Variants in PCLO observed in about 807,000 individuals in gnomAD.
PCLO encodes the protein protein piccolo.
PCLO carries 82 observed loss-of-function variants against 427.5 expected under a neutral mutation model. That is an observed-to-expected ratio of 0.19 (90% confidence interval 0.16 to 0.23). The LOEUF (loss-of-function observed/expected upper bound fraction) is 0.23, where lower values mean the gene tolerates loss of function less well. PCLO is among the 10% of genes least tolerant of loss of function. The probability of loss-of-function intolerance (pLI) is 1.00; values close to 1 mark genes in which losing one functional copy is unlikely to be tolerated. For synonymous variants in PCLO, 2,357 were observed against 2,155.4 expected, an observed-to-expected ratio of 1.09 and a Z score of -2.59; for missense variants, 6,239 against 6,115.9, an observed-to-expected ratio of 1.02 and a Z score of -0.67.
chr7:83,110,907 A>G (rs1015634492), intron 3 of PCLO, among the ~76,000 whole-genome samples: 1 of 152,204 alleles, frequency 6.6e-6, no homozygotes, highest in African/African-American at 2.4e-5. Flanking sequence ...TAAAATTACA[A>G]AATAAGATCA....
intron 3 of PCLO, among the ~76,000 whole-genome samples, chr7:83,088,053 T>G (rs979459965): frequency 6.6e-6 from 1 of 152,224 alleles, no homozygotes; most frequent in Non-Finnish European, 1.5e-5. Flanking sequence ...ATTTTACAAA[T>G]CGCTCCTTTT....
At chr7:82,843,665 ATTTTTTT>A (rs71522631) in intron 13 of PCLO, among the ~76,000 whole-genome samples, 3 of 135,804 alleles carry the variant, frequency 2.2e-5, no homozygotes, top group Admixed American at 7.6e-5. Context: ...CAACGTATTC[ATTTTTTT>A]TTTTTTTTTG....
chr7:83,038,065 T>TATATAATATATATTTTTATATA (rs1788866864), intron 3 of PCLO, among the ~76,000 whole-genome samples: 1 of 31,556 alleles, frequency 3.2e-5, no homozygotes, highest in African/African-American at 1.4e-4. Flanking sequence ...ATATATATAT[T>TATATAATATATATTTTTATATA]TATATATTTA....
At chr7:82,980,007 G>A (rs2115767098) in intron 3 of PCLO, among the ~76,000 whole-genome samples, 1 of 152,106 alleles carries the variant, frequency 6.6e-6, no homozygotes, top group Admixed American at 6.6e-5. Context: ...TAACAACCAG[G>A]TCCCAAGCCT....
intron 2 of PCLO, among the ~76,000 whole-genome samples, chr7:83,152,389 T>G: frequency 6.6e-6 from 1 of 152,236 alleles, no homozygotes; most frequent in African/African-American, 2.4e-5. Context: ...TAGCATTCAA[T>G]AATGCTTTGT....
chr7:82,859,000 A>G (rs894318769), intron 10 of PCLO, among the ~76,000 whole-genome samples: 3 of 152,152 alleles, frequency 2.0e-5, no homozygotes, highest in African/African-American at 4.8e-5. Flanking sequence ...TATGGTGTCT[A>G]TGGGGTGAGG....
At chr7:83,109,250 G>A (rs1790942924) in intron 3 of PCLO, among the ~76,000 whole-genome samples, 1 of 152,076 alleles carries the variant, frequency 6.6e-6, no homozygotes, top group Non-Finnish European at 1.5e-5. Flanking sequence ...AGCAAATCCT[G>A]TTTTCATTCT....
At chr7:83,141,508 T>C (rs2116638346) in intron 2 of PCLO, among the ~76,000 whole-genome samples, 1 of 152,334 alleles carries the variant, frequency 6.6e-6, no homozygotes, top group East Asian at 1.9e-4. Context: ...GTTCCTTTAG[T>C]CTTCTGATTT....
In PCLO at chr7:83,155,693, T is replaced by C. The variant is rs542998278; in HGVS notation, c.948A>G (p.Ala316=). 3.1e-6 allele frequency: 5 copies of C among 1,613,966 alleles called. No homozygotes were observed. The Admixed American group carries it at 6.7e-5, about 22-fold the overall frequency. ...GTGATTTTTCATGTCCAGGCTGCTG[T>C]GCTGGAGGTTTTCCAGGAGTTGGTT... is the stretch of plus-strand genomic sequence containing the variant. The part of the protein sequence containing the change: ...IQQPTPGKPP[A]QQPGHEKSQP... Residue 316 remains alanine (A), a synonymous_variant, in exon 2 of 25, where the codon GCA becomes GCG. Coordinates refer to ENST00000333891, the MANE Select transcript of PCLO (RefSeq NM_033026.6).
At chr7:83,140,572 G>T (rs1791836785) in intron 2 of PCLO, among the ~76,000 whole-genome samples, 1 of 152,008 alleles carries the variant, frequency 6.6e-6, no homozygotes, top group Non-Finnish European at 1.5e-5. Flanking sequence ...AACATTTTTT[G>T]AACTAGTTTG....
chr7:83,141,255 G>GTGCA (rs145198972), intron 2 of PCLO, among the ~76,000 whole-genome samples: 8,919 of 152,250 alleles, frequency 0.059, 566 homozygotes, highest in East Asian at 0.25. Context: ...TTAGTTCCAT[G>GTGCA]TGCACACATT....
chr7:83,023,921 T>C (rs549796908), intron 3 of PCLO, among the ~76,000 whole-genome samples: 2 of 152,322 alleles, frequency 1.3e-5, no homozygotes, highest in East Asian at 3.9e-4. Context: ...TTTATTTTTC[T>C]GGAATGCATA....
At chr7:83,054,217 A>G (rs1789321922) in intron 3 of PCLO, among the ~76,000 whole-genome samples, 1 of 152,064 alleles carries the variant, frequency 6.6e-6, no homozygotes, top group Admixed American at 6.6e-5. Context: ...TACCTTTTCT[A>G]TCAATTCTTA....
chr7:83,143,139 C>A (rs1358502667), intron 2 of PCLO, among the ~76,000 whole-genome samples: 2 of 151,902 alleles, frequency 1.3e-5, no homozygotes, highest in African/African-American at 4.8e-5. Context: ...ATAATATAAC[C>A]AGACTAGAGG....
chr7:82,954,213 A>G lies in PCLO; in HGVS notation c.6740T>C (p.Leu2247Ser), dbSNP rs762815799. The change falls in exon 5 of 25, where the codon TTA (leucine) becomes TCA (serine). Residue 2247 changes from leucine to serine, a missense_variant. Leu to Ser is a moderately radical substitution (Grantham distance 145, BLOSUM62 -2). This residue lies in a region of PCLO where 4,677 missense variants were observed against 4,468.4 expected (regional missense o/e 1.05). Transcript: ENST00000333891. ...IDYPEEISVS[L>S]DRTAPPDGRA... ...ACCATCTGGTGGGGCAGTCCGATCT[A>G]AAGATACACTTATTTCTTCTGGATA... The G allele has an allele frequency of 9.9e-6, 16 of 1,613,672 alleles. No individual in the cohort carries two copies. The East Asian group carries it at 3.1e-4, about 31-fold the overall frequency.
chr7:82,993,220 T>G (rs1796417803), intron 3 of PCLO, among the ~76,000 whole-genome samples: 1 of 151,998 alleles, frequency 6.6e-6, no homozygotes, highest in African/African-American at 2.4e-5. Context: ...TTTTCATATG[T>G]CTTACTCAAA....
intron 3 of PCLO, among the ~76,000 whole-genome samples, chr7:83,098,964 G>T (rs1410082063): frequency 6.6e-6 from 1 of 152,002 alleles, no homozygotes; most frequent in African/African-American, 2.4e-5. Context: ...ATTTACAACA[G>T]CAAGAGGAGT....
chr7:83,125,043 C>T (rs1008608485), intron 3 of PCLO, among the ~76,000 whole-genome samples: 4 of 152,160 alleles, frequency 2.6e-5, no homozygotes, highest in Non-Finnish European at 4.4e-5. Flanking sequence ...GACGGAGTCT[C>T]GCTTACTCAG....
chr7:82,796,118 T>C (rs924047664), intron 22 of PCLO, among the ~76,000 whole-genome samples: 1 of 152,200 alleles, frequency 6.6e-6, no homozygotes, highest in Admixed American at 6.5e-5. Context: ...TTCCAGAAAT[T>C]TAATTCATTT....
Sources: allele counts gnomAD v4.1 joint callset (sites outside exome capture counted in the v4.1 genomes callset), GRCh38; gene constraint gnomAD v4.1.1; regional missense constraint gnomAD v4.1.1; transcripts MANE v1.5; gene names NCBI Gene and HGNC (gene_info 2026-07-23, HGNC 2026-07-21).